The following ANXA10 variants were observed in gnomAD, a reference collection of about 807,000 sequenced individuals.
ANXA10 encodes annexin 14.
ANXA10 carries 49 observed loss-of-function variants against 53.5 expected under a neutral mutation model. The observed-to-expected ratio is 0.92, with a 90% CI of 0.73 to 1.16. ANXA10 has a LOEUF of 1.16. Ranked by LOEUF, ANXA10 falls within the 50% of genes most tolerant of loss-of-function variation. The pLI is 0.00. For missense variants in ANXA10, 393 were observed against 394.4 expected, an observed-to-expected ratio of 1.00 and a Z score of 0.03; for synonymous variants, 131 against 128.9, an observed-to-expected ratio of 1.02 and a Z score of -0.11.
rs567280742 is a variant in ANXA10 at position 168,174,410 on chromosome 4, C to T, written c.481-3330C>T. Among the ~76,000 whole-genome samples, 55 of 152,320 alleles carry T rather than the reference C, an allele frequency of 3.6e-4. 1 individual carries two copies. The South Asian group carries it at 0.01, about 29-fold the overall frequency. The stretch of plus-strand genomic sequence containing the variant: ...CCACAAGCCCCACATGGAGCCCGCA[C>T]CTATGCCAGCAATTGGAACAGCCAG... On this transcript the variant is annotated intron_variant, in intron 6 of 11. Coordinates refer to ENST00000359299, the MANE Select transcript of ANXA10 (RefSeq NM_007193.5).
chr4:168,112,245 G>A (rs963094746), intron 1 of ANXA10, among the ~76,000 whole-genome samples: 2 of 151,968 alleles, frequency 1.3e-5, no homozygotes, highest in African/African-American at 4.8e-5. Flanking sequence ...GCAGTGAGCC[G>A]AGATCGTACC....
chr4:168,145,021 G>C (rs1009087700), intron 3 of ANXA10, among the ~76,000 whole-genome samples: 3 of 152,128 alleles, frequency 2.0e-5, no homozygotes, highest in Non-Finnish European at 4.4e-5. Flanking sequence ...TGGGTAGGGG[G>C]TCAGAAAGTG....
intron 1 of ANXA10, among the ~76,000 whole-genome samples, chr4:168,124,312 T>C (rs1011636405): frequency 4.6e-5 from 7 of 152,068 alleles, no homozygotes; most frequent in African/African-American, 1.7e-4. Flanking sequence ...GGAGGAAATA[T>C]TCAAACAGAT....
chr4:168,101,547 G>C (rs1000646232), intron 1 of ANXA10, among the ~76,000 whole-genome samples: 1 of 151,766 alleles, frequency 6.6e-6, no homozygotes. Context: ...ACAGCTACAA[G>C]ATGCATTAAT....
chr4:168,148,174 A>AT (rs35381933), intron 3 of ANXA10, among the ~76,000 whole-genome samples: 1,811 of 143,040 alleles, frequency 0.013, 16 homozygotes, highest in African/African-American at 0.03. Flanking sequence ...ATATGTGACA[A>AT]TTTTTTTTTT....
At position 168,114,257 on chromosome 4, in the gene ANXA10, G is replaced by A. The variant is rs527985410; in HGVS notation, c.19-13827G>A. Among the ~76,000 whole-genome samples the A allele has an allele frequency of 2.0e-5, 3 of 151,020 alleles. No individual in the cohort carries two copies. In the South Asian group the frequency reaches 6.2e-4, roughly 31 times the overall value. ...TTCATTGCTCTGCTATCTTCCAGAT[G>A]TGTGTCTATACATATATTTTATTTA... On this transcript the variant is annotated intron_variant, in intron 1 of 11. Transcript: ENST00000359299.
intron 9 of ANXA10, among the ~76,000 whole-genome samples, chr4:168,181,425 C>A (rs1732243624): frequency 6.7e-6 from 1 of 149,674 alleles, no homozygotes; most frequent in Non-Finnish European, 1.5e-5. Context: ...ATAAAGTTTT[C>A]TTCATTAGGC....
intron 6 of ANXA10, among the ~76,000 whole-genome samples, chr4:168,172,281 G>A (rs1185074956): frequency 6.6e-6 from 1 of 152,152 alleles, no homozygotes; most frequent in Non-Finnish European, 1.5e-5. Flanking sequence ...GTAATTAGCT[G>A]CATAGGAAAA....
chr4:168,156,391 TTATATTA>T (rs1171389179), intron 3 of ANXA10, among the ~76,000 whole-genome samples: 2 of 110,072 alleles, frequency 1.8e-5, no homozygotes, highest in African/African-American at 7.3e-5. Context: ...TTAATATATA[TTATATTA>T]TATATTATAT....
chr4:168,156,642 T>C (rs373748915), intron 3 of ANXA10, among the ~76,000 whole-genome samples: 3 of 151,130 alleles, frequency 2.0e-5, no homozygotes, highest in Non-Finnish European at 4.4e-5. Context: ...TAGCTGGAAC[T>C]ACAGGCACCC....
At chr4:168,102,627 T>C (rs1436378579) in intron 1 of ANXA10, among the ~76,000 whole-genome samples, 2 of 152,134 alleles carry the variant, frequency 1.3e-5, no homozygotes, top group Non-Finnish European at 1.5e-5. Flanking sequence ...GTACCACAAT[T>C]TGTTTATCTG....
chr4:168,121,967 C>G (rs1458519843), intron 1 of ANXA10, among the ~76,000 whole-genome samples: 1 of 152,046 alleles, frequency 6.6e-6, no homozygotes, highest in Non-Finnish European at 1.5e-5. Flanking sequence ...CTCAGCCTCC[C>G]GAGTAGCTGG....
intron 8 of ANXA10, chr4:168,178,227 G>A (rs1578937869): frequency 2.1e-6 from 1 of 469,624 alleles, no homozygotes; most frequent in Admixed American, 3.6e-5. Flanking sequence ...AATAATCTCT[G>A]TATTTGATGG....
chr4:168,130,825 G>A (rs537832426), intron 2 of ANXA10, among the ~76,000 whole-genome samples: 9 of 151,272 alleles, frequency 5.9e-5, no homozygotes, highest in East Asian at 1.9e-4. Context: ...TCTGATATTC[G>A]TAAGTTTTAT....
intron 3 of ANXA10, among the ~76,000 whole-genome samples, chr4:168,155,524 T>C (rs1402812298): frequency 2.2e-4 from 5 of 23,134 alleles, no homozygotes; most frequent in Admixed American, 6.9e-4. Flanking sequence ...TATATAATTA[T>C]ATAATATATA....
At chr4:168,098,150 TC>T (rs766405606) in intron 1 of ANXA10, among the ~76,000 whole-genome samples, 7 of 152,170 alleles carry the variant, frequency 4.6e-5, no homozygotes, top group Non-Finnish European at 1.0e-4. Flanking sequence ...AACTATATGT[TC>T]TTTTTTTTAT....
chr4:168,167,933 G>A (rs368466651), intron 6 of ANXA10, among the ~76,000 whole-genome samples: 20 of 152,108 alleles, frequency 1.3e-4, no homozygotes, highest in East Asian at 9.6e-4. Flanking sequence ...ACATTGCTTG[G>A]AATCAGTAAG....
chr4:168,155,959 A>AGTAT (rs1731644731), intron 3 of ANXA10, among the ~76,000 whole-genome samples: 1 of 10,198 alleles, frequency 9.8e-5, no homozygotes, highest in African/African-American at 3.5e-4. Flanking sequence ...ATGATATATC[A>AGTAT]TATATTATAT....
chr4:168,185,710 C>A (rs1245696163), intron 11 of ANXA10, among the ~76,000 whole-genome samples: 1 of 152,160 alleles, frequency 6.6e-6, no homozygotes, highest in Non-Finnish European at 1.5e-5. Flanking sequence ...AGCATTAAAC[C>A]AAGCCAAGCA....
Sources: allele counts gnomAD v4.1 joint callset (sites outside exome capture counted in the v4.1 genomes callset), GRCh38; gene constraint gnomAD v4.1.1; transcripts MANE v1.5; gene names NCBI Gene and HGNC (gene_info 2026-07-23, HGNC 2026-07-21).